CATSPERT: variants seen among roughly 807,000 people sequenced by gnomAD.
The protein encoded by CATSPERT is cation channel sperm-associated targeting subunit tau.
chr2:201,559,484 C>T, the CATSPERT span, among the ~76,000 whole-genome samples: 2 of 152,220 alleles, frequency 1.3e-5, no homozygotes, highest in Non-Finnish European at 2.9e-5. Context: ...GCTGTGTGCC[C>T]ACATCTGACG....
chr2:201,538,675 T>G, the CATSPERT span, among the ~76,000 whole-genome samples: 1 of 152,166 alleles, frequency 6.6e-6, no homozygotes, highest in African/African-American at 2.4e-5. Flanking sequence ...TTATAAAAAT[T>G]TAACTTTTAA....
chr2:201,617,002 G>A, the CATSPERT span, among the ~76,000 whole-genome samples: 2 of 152,090 alleles, frequency 1.3e-5, no homozygotes, highest in South Asian at 2.1e-4. Flanking sequence ...AACTTACAAG[G>A]GATGTGAAGG....
At chr2:201,565,763 G>T in the CATSPERT span, 4 of 1,592,810 alleles carry the variant, frequency 2.5e-6, no homozygotes, top group Non-Finnish European at 3.4e-6. Flanking sequence ...TTTTCAAGTC[G>T]CACTACAGAT....
the CATSPERT span, among the ~76,000 whole-genome samples, chr2:201,530,630 T>G: frequency 6.6e-6 from 1 of 152,350 alleles, no homozygotes; most frequent in East Asian, 1.9e-4. Context: ...TAAATATAAA[T>G]GGATGAATCG....
chr2:201,571,993 G>A, the CATSPERT span: 4 of 1,613,018 alleles, frequency 2.5e-6, no homozygotes, highest in Non-Finnish European at 3.4e-6. Context: ...AACATGGATG[G>A]CTCAGTAATT....
At chr2:201,499,292 A>C in the CATSPERT span, among the ~76,000 whole-genome samples, 251 of 152,328 alleles carry the variant, frequency 1.6e-3, 1 homozygote, top group South Asian at 5.2e-3. Flanking sequence ...AGAGATATTC[A>C]AGAGGATATT....
At chr2:201,489,390 G>A in the CATSPERT span, among the ~76,000 whole-genome samples, 427 of 151,818 alleles carry the variant, frequency 2.8e-3, 3 homozygotes, top group African/African-American at 9.0e-3. Context: ...CCTTTTTTCC[G>A]AGTGTGTAGA....
chr2:201,569,480 T>C, the CATSPERT span, among the ~76,000 whole-genome samples: 53 of 152,206 alleles, frequency 3.5e-4, no homozygotes, highest in African/African-American at 1.3e-3. Context: ...CACCTTGCCT[T>C]TGGTAGTTGA....
At chr2:201,545,672 G>C in the CATSPERT span, 319,228 of 901,548 alleles carry the variant, frequency 0.35, 69,995 homozygotes, top group East Asian at 0.73. Context: ...AATATATATG[G>C]GAAAATATTT....
At chr2:201,545,124 G>A in the CATSPERT span, among the ~76,000 whole-genome samples, 186 of 151,954 alleles carry the variant, frequency 1.2e-3, no homozygotes, top group African/African-American at 4.3e-3. Context: ...TGCAACCTCC[G>A]GCCTCCAAGT....
chr2:201,598,036 A>T, the CATSPERT span, among the ~76,000 whole-genome samples: 2 of 152,214 alleles, frequency 1.3e-5, no homozygotes, highest in Non-Finnish European at 2.9e-5. Flanking sequence ...TGGTTAAAAC[A>T]AAGAAACAAC....
the CATSPERT span, among the ~76,000 whole-genome samples, chr2:201,544,552 C>A: frequency 6.6e-6 from 1 of 151,834 alleles, no homozygotes; most frequent in African/African-American, 2.4e-5. Context: ...TTCACACACA[C>A]ACACACACAC....
At chr2:201,607,831 G>T in the CATSPERT span, among the ~76,000 whole-genome samples, 1 of 152,160 alleles carries the variant, frequency 6.6e-6, no homozygotes, top group Non-Finnish European at 1.5e-5. Context: ...TTTAAAAGAG[G>T]TAATTAGATT....
the CATSPERT span, among the ~76,000 whole-genome samples, chr2:201,615,337 A>G: frequency 6.6e-6 from 1 of 152,246 alleles, no homozygotes; most frequent in African/African-American, 2.4e-5. Flanking sequence ...GTAAAAGAAC[A>G]GAAATTATAA....
the CATSPERT span, among the ~76,000 whole-genome samples, chr2:201,609,102 T>C: frequency 6.6e-6 from 1 of 152,098 alleles, no homozygotes; most frequent in Non-Finnish European, 1.5e-5. Flanking sequence ...GGTCATTAGG[T>C]CATTATATAA....
At chr2:201,559,519 C>T in the CATSPERT span, among the ~76,000 whole-genome samples, 1 of 152,186 alleles carries the variant, frequency 6.6e-6, no homozygotes, top group Non-Finnish European at 1.5e-5. Flanking sequence ...CCACAAGTTG[C>T]TCTGGGCAGG....
chr2:201,600,755 CTTT>C, the CATSPERT span, among the ~76,000 whole-genome samples: 9 of 142,580 alleles, frequency 6.3e-5, no homozygotes, highest in African/African-American at 1.0e-4. Context: ...TAATGTCATT[CTTT>C]TTTTTTTTTT....
chr2:201,603,704 GCTATAACATGCCAAGGA>G, the CATSPERT span, among the ~76,000 whole-genome samples: 12 of 152,202 alleles, frequency 7.9e-5, no homozygotes, highest in African/African-American at 2.9e-4. Context: ...TGATTCATTG[GCTATAACATGCCAAGGA>G]CTGTAAAATA....
chr2:201,581,773 T>G, the CATSPERT span, among the ~76,000 whole-genome samples: 4 of 151,034 alleles, frequency 2.6e-5, no homozygotes, highest in East Asian at 7.8e-4. Flanking sequence ...CATGTCCAGC[T>G]AATTTTGTAT....
Sources: allele counts gnomAD v4.1 joint callset (sites outside exome capture counted in the v4.1 genomes callset), GRCh38; gene constraint gnomAD v4.1.1; transcripts MANE v1.5; gene names NCBI Gene and HGNC (gene_info 2026-07-23, HGNC 2026-07-21).